VAPB: variants seen among roughly 807,000 people sequenced by gnomAD.
VAPB encodes the protein VAMP associated protein B and C, also known as vesicle-associated membrane protein-associated protein B/C.
VAPB carries 7 observed loss-of-function variants against 25.6 expected under a neutral mutation model. The observed-to-expected ratio is 0.27, with a 90% CI of 0.16 to 0.51. The LOEUF is 0.51. Among genes scored for constraint, VAPB ranks in the 20% least tolerant of loss-of-function variants. VAPB has a pLI of 0.97. For synonymous variants in VAPB, 112 were observed against 109.2 expected (o/e 1.03, Z -0.16); for missense variants, 266 against 301.3 (o/e 0.88, Z 0.87).
chr20:58,399,766 C>T (rs1485338035), intron 1 of VAPB, among the ~76,000 whole-genome samples: 5 of 150,894 alleles, frequency 3.3e-5, no homozygotes, highest in African/African-American at 1.2e-4. Context: ...CCCCTAAGAA[C>T]TTCTGTCCTA....
chr20:58,400,117 T>C (rs1452558690), intron 1 of VAPB, among the ~76,000 whole-genome samples: 1 of 152,210 alleles, frequency 6.6e-6, no homozygotes, highest in East Asian at 1.9e-4. Flanking sequence ...ACCCGGGTCT[T>C]ACAGCCTCCC....
intron 1 of VAPB, among the ~76,000 whole-genome samples, chr20:58,416,285 C>T (rs936432217): frequency 6.6e-6 from 1 of 151,940 alleles, no homozygotes; most frequent in African/African-American, 2.4e-5. Context: ...ATAGATTAAC[C>T]TGGGGAAATT....
intron 2 of VAPB, among the ~76,000 whole-genome samples, chr20:58,422,171 C>A (rs558871181): frequency 6.6e-6 from 1 of 151,986 alleles, no homozygotes; most frequent in African/African-American, 2.4e-5. Flanking sequence ...CATGGGTGCT[C>A]GTCTCATCTC....
rs1219343693 is a variant in VAPB, at chr20:58,445,895, C to A, written c.*1660C>A. 2.2e-6 allele frequency: 1 copy of A among 453,958 alleles called. No homozygotes were observed. The highest frequency in any genetic ancestry group is 6.9e-5 in the East Asian group (1 of 14,392). 28.1% of individuals were successfully genotyped at this position (453,958 alleles called of 1,614,324 possible). A position where few individuals can be genotyped will look rare whatever the true frequency, so the allele number is the denominator to read the frequency against. On this transcript the variant is annotated 3_prime_UTR_variant, in exon 6 of 6. Transcript: ENST00000475243. ...AGTAACGGGCGTTCTGGGCACAGTC[C>A]CACTGTGCACAGGTTTGAGAGGACA...
rs183447395 is a variant in VAPB, at chr20:58,448,024, C to A, written c.*3789C>A. 7.3e-5 allele frequency: 33 copies of A among 453,870 alleles called. No individual in the cohort carries two copies. Among genetic ancestry groups the A allele is most frequent in the African/African-American group, 6.2e-4 (31 of 49,998 alleles). The allele number at this position is 453,870 out of a possible 1,614,324, so 28.1% of individuals were successfully genotyped here. On this transcript the variant is annotated 3_prime_UTR_variant, in exon 6 of 6. Coordinates refer to ENST00000475243, the MANE Select transcript of VAPB (RefSeq NM_004738.5). ...CGTGGCTTTCCCTGCCCCCGGCTGT[C>A]TGGCCTGAAGAAGGAGAAAGAACCA...
At chr20:58,423,511 G>A (rs2123067855) in intron 2 of VAPB, among the ~76,000 whole-genome samples, 1 of 144,768 alleles carries the variant, frequency 6.9e-6, no homozygotes, top group East Asian at 2.1e-4. Context: ...ACATTGATCA[G>A]TTAATTTAAA....
At chr20:58,417,686 G>A (rs1275766072) in intron 1 of VAPB, among the ~76,000 whole-genome samples, 1 of 152,168 alleles carries the variant, frequency 6.6e-6, no homozygotes. Flanking sequence ...TGTGTTTATA[G>A]ACCATTAACA....
intron 2 of VAPB, among the ~76,000 whole-genome samples, chr20:58,424,057 A>G (rs568622461): frequency 3.9e-5 from 6 of 152,302 alleles, no homozygotes; most frequent in Admixed American, 2.0e-4. Flanking sequence ...TTAAATATCA[A>G]GATCAAGAGG....
chr20:58,438,686 A>G (rs1031545221), intron 3 of VAPB, among the ~76,000 whole-genome samples: 1 of 152,250 alleles, frequency 6.6e-6, no homozygotes, highest in Non-Finnish European at 1.5e-5. Flanking sequence ...CAGAGTAGCA[A>G]CATGGGGAGC....
intron 2 of VAPB, among the ~76,000 whole-genome samples, chr20:58,419,216 A>G (rs905356285): frequency 1.3e-5 from 2 of 152,170 alleles, no homozygotes; most frequent in Admixed American, 6.5e-5. Flanking sequence ...GGCTTTTTCC[A>G]TGATAGATTT....
chr20:58,399,713 C>CAAAA (rs11315321), intron 1 of VAPB, among the ~76,000 whole-genome samples: 1 of 128,388 alleles, frequency 7.8e-6, no homozygotes, highest in Non-Finnish European at 1.7e-5. Flanking sequence ...GAGACCGTCT[C>CAAAA]AAAAAAAAAA....
chr20:58,444,672 G>A lies in VAPB; in HGVS notation c.*437G>A, dbSNP rs1432437743. On this transcript the variant is annotated 3_prime_UTR_variant, in exon 6 of 6. Transcript: ENST00000475243. The stretch of plus-strand genomic sequence containing the variant: ...GTCAGCTCCACACAGTAGTCCCCAC[G>A]TGGCCCACTCCCGGCCCAGGCTGCT... The A allele has an allele frequency of 6.6e-6, 3 of 454,510 alleles. No individual in the cohort carries two copies. The highest frequency in any genetic ancestry group is 1.6e-5 in the South Asian group (1 of 64,482). The allele number at this position is 454,510 out of a possible 1,614,324, so 28.2% of individuals were successfully genotyped here.
At chr20:58,413,232 G>A (rs1988424644) in intron 1 of VAPB, among the ~76,000 whole-genome samples, 1 of 150,750 alleles carries the variant, frequency 6.6e-6, no homozygotes, top group South Asian at 2.1e-4. Context: ...AATAGTGGAG[G>A]GAAGGTCAGC....
intron 2 of VAPB, among the ~76,000 whole-genome samples, chr20:58,430,060 A>T (rs1988893473): frequency 1.3e-5 from 2 of 151,668 alleles, no homozygotes; most frequent in African/African-American, 4.8e-5. Flanking sequence ...AAAAAAAGTA[A>T]GACCCAAAAA....
In VAPB at chr20:58,394,376, A is replaced by G. The variant is rs190946883; in HGVS notation, c.58+4859A>G. On this transcript the variant is annotated intron_variant, in intron 1 of 5. Transcript: ENST00000475243. ...ATATAGTTCATTCAGTGCAGTAATTATCTTTCAGATGCCAAGTACAGCATT... is the reference window on the plus strand; with the variant it reads ...ATATAGTTCATTCAGTGCAGTAATTGTCTTTCAGATGCCAAGTACAGCATT... Among the ~76,000 whole-genome samples, 4 of 152,372 alleles carry G rather than the reference A, an allele frequency of 2.6e-5. No individual in the cohort carries two copies. The East Asian group carries it at 5.8e-4, about 22-fold the overall frequency.
At position 58,446,364 on chromosome 20, in the gene VAPB, A is replaced by G. The variant is rs2123109128; in HGVS notation, c.*2129A>G. ...GCTTCCAGGCCCTCATGTCTTTGAT[A>G]GGAGAGTGCTTAGGTGGTCCCCAAC... On this transcript the variant is annotated 3_prime_UTR_variant, in exon 6 of 6. Transcript: ENST00000475243. 2.2e-6 allele frequency: 1 copy of G among 454,116 alleles called. No individual in the cohort carries two copies. Among genetic ancestry groups the G allele is most frequent in the Non-Finnish European group, 4.4e-6 (1 of 226,786 alleles). The allele number at this position is 454,116 out of a possible 1,614,324, so 28.1% of individuals were successfully genotyped here.
At chr20:58,430,637 G>A (rs1055625314) in intron 2 of VAPB, among the ~76,000 whole-genome samples, 1 of 151,566 alleles carries the variant, frequency 6.6e-6, no homozygotes, top group East Asian at 1.9e-4. Flanking sequence ...GTGCAGTGGC[G>A]CCGTCTTGGC....
At chr20:58,408,571 C>T (rs974293159) in intron 1 of VAPB, among the ~76,000 whole-genome samples, 1 of 152,098 alleles carries the variant, frequency 6.6e-6, no homozygotes, top group Non-Finnish European at 1.5e-5. Context: ...TAACAGCTCA[C>T]TCTCTTCGAA....
rs775097382 is a variant in VAPB at position 58,438,917 on chromosome 20, C to T, written c.316-28C>T. 6 of 1,586,468 alleles carry T rather than the reference C, an allele frequency of 3.8e-6. No individual in the cohort carries two copies. The South Asian group carries it at 6.6e-5, about 18-fold the overall frequency. On this transcript the variant is annotated intron_variant, in intron 3 of 5. Transcript: ENST00000475243. The stretch of plus-strand genomic sequence containing the variant: ...TATTCTTCCAGCAGGTTTATAATAT[C>T]TTGATTATTAAATTTAAATTGTTTT...
Sources: gnomAD v4.1 joint callset for allele counts (sites outside exome capture counted in the v4.1 genomes callset) on GRCh38, gnomAD v4.1.1 for gene constraint, MANE v1.5 for transcripts, NCBI Gene and HGNC (gene_info 2026-07-23, HGNC 2026-07-21) for gene names.